CSMD1: variants seen among roughly 807,000 people sequenced by gnomAD.
CSMD1 encodes CUB and sushi domain-containing protein 1.
CSMD1 carries 213 observed loss-of-function variants against 417.5 expected under a neutral mutation model. The observed-to-expected ratio is 0.51, with a 90% confidence interval of 0.46 to 0.57. The LOEUF is 0.57. CSMD1 is among the 20% of genes least tolerant of loss of function. CSMD1 has a pLI of 0.00. For missense variants in CSMD1, 6,923 were observed against 4,529.7 expected (o/e 1.53, Z -15.17); for synonymous variants, 2,862 against 1,736.8 (o/e 1.65, Z -16.11).
intron 1 of CSMD1, among the ~76,000 whole-genome samples, chr8:4,747,276 G>A (rs897593293): frequency 2.0e-5 from 3 of 152,102 alleles, no homozygotes; most frequent in Non-Finnish European, 1.5e-5. Flanking sequence ...TTGAAAACAA[G>A]CCCTATTTTC....
At chr8:4,868,682 A>T (rs1393583227) in intron 1 of CSMD1, among the ~76,000 whole-genome samples, 1 of 152,048 alleles carries the variant, frequency 6.6e-6, no homozygotes, top group Non-Finnish European at 1.5e-5. Context: ...AACACAACTA[A>T]CAGTATGGTG....
chr8:4,969,782 T>C lies in CSMD1; in HGVS notation c.85+24550A>G, dbSNP rs778539017. Reference sequence around the variant, plus strand: ...TCCTGAGAAGACAATGAGGCTGCTATGTGGAACTTTAACACTACCTAATTT... The same window carrying C: ...TCCTGAGAAGACAATGAGGCTGCTACGTGGAACTTTAACACTACCTAATTT... On this transcript the variant is annotated intron_variant, in intron 1 of 69. Coordinates refer to ENST00000635120, the MANE Select transcript of CSMD1 (RefSeq NM_033225.6). Among the ~76,000 whole-genome samples the C allele has an allele frequency of 2.6e-5, 4 of 152,062 alleles. No individual in the cohort carries two copies. The South Asian group carries it at 6.2e-4, about 24-fold the overall frequency.
intron 21 of CSMD1, 30 bp downstream of exon 21, chr8:3,359,122 T>C (rs1029976661): frequency 3.7e-6 from 6 of 1,609,570 alleles, no homozygotes; most frequent in African/African-American, 2.7e-5. Flanking sequence ...CCCCCATGGA[T>C]GAATGAAATG....
At chr8:3,469,104 C>A in intron 11 of CSMD1, 1 of 275,058 alleles carries the variant, frequency 3.6e-6, no homozygotes. Context: ...TTCCTGGAAC[C>A]GAGAGGCTTC....
At chr8:4,067,649 A>G (rs1237000264) in intron 3 of CSMD1, among the ~76,000 whole-genome samples, 2 of 152,350 alleles carry the variant, frequency 1.3e-5, no homozygotes, top group East Asian at 1.9e-4. Flanking sequence ...TTTCATTCAA[A>G]AAGAATAAAA....
intron 4 of CSMD1, among the ~76,000 whole-genome samples, chr8:4,002,312 A>C (rs545309744): frequency 6.6e-6 from 1 of 152,230 alleles, no homozygotes; most frequent in South Asian, 2.1e-4. Context: ...CTCTAACAAA[A>C]CTTTTTAACT....
intron 3 of CSMD1, among the ~76,000 whole-genome samples, chr8:4,139,215 T>C (rs1270650134): frequency 2.6e-5 from 4 of 152,136 alleles, no homozygotes; most frequent in African/African-American, 9.7e-5. Context: ...AAAATAAGAG[T>C]GTCCTAGTGG....
At chr8:3,996,704 T>A (rs557381160) in intron 5 of CSMD1, among the ~76,000 whole-genome samples, 1 of 152,138 alleles carries the variant, frequency 6.6e-6, no homozygotes. Context: ...ATGAAAAAAA[T>A]TGAAAACAAA....
chr8:3,899,769 G>A (rs919986041), intron 5 of CSMD1, among the ~76,000 whole-genome samples: 17 of 152,144 alleles, frequency 1.1e-4, no homozygotes, highest in Admixed American at 8.5e-4. Context: ...AGCTTTCAGG[G>A]CACAGTTTTG....
chr8:3,611,909 C>A (rs1291938495), intron 8 of CSMD1, among the ~76,000 whole-genome samples: 1 of 151,860 alleles, frequency 6.6e-6, no homozygotes, highest in Non-Finnish European at 1.5e-5. Context: ...TTTTCAAAAC[C>A]CCATATCCAA....
intron 3 of CSMD1, among the ~76,000 whole-genome samples, chr8:4,277,868 C>G (rs1032837829): frequency 6.6e-6 from 1 of 152,144 alleles, no homozygotes; most frequent in Non-Finnish European, 1.5e-5. Context: ...CTGCCTCAGC[C>G]TCCCGAGTAG....
Position 3,392,501 on chromosome 8 carries a change from T to G in CSMD1, c.2593+3693A>C, listed in dbSNP as rs151312880. Reference sequence around the variant, plus strand: ...CACTTTTTCTCTGTCTCTGCTTTTCTCGCTGGACTCATTGGTTCCTTTAAC... The same window carrying G: ...CACTTTTTCTCTGTCTCTGCTTTTCGCGCTGGACTCATTGGTTCCTTTAAC... On this transcript the variant is annotated intron_variant, in intron 17 of 69. Transcript: ENST00000635120. Among the ~76,000 whole-genome samples, 317 of 152,198 alleles carry G rather than the reference T, an allele frequency of 2.1e-3. 1 individual carries two copies. The highest frequency in any genetic ancestry group is 6.7e-3 in the African/African-American group (280 of 41,544).
chr8:4,433,021 C>G (rs145178294), intron 2 of CSMD1, among the ~76,000 whole-genome samples: 1 of 152,078 alleles, frequency 6.6e-6, no homozygotes, highest in Non-Finnish European at 1.5e-5. Flanking sequence ...AGCGTCAACA[C>G]TGTCGTGAAC....
At chr8:3,877,033 G>A (rs934292701) in intron 5 of CSMD1, among the ~76,000 whole-genome samples, 4 of 152,142 alleles carry the variant, frequency 2.6e-5, no homozygotes, top group Non-Finnish European at 4.4e-5. Flanking sequence ...TTTTCATTTC[G>A]TATAGTGTTT....
chr8:4,386,528 A>C (rs147981031), intron 3 of CSMD1, among the ~76,000 whole-genome samples: 92 of 152,356 alleles, frequency 6.0e-4, no homozygotes, highest in African/African-American at 2.2e-3. Context: ...GTCTAACTCT[A>C]AAGAGGAACT....
At chr8:4,724,082 C>T (rs1809252948) in intron 1 of CSMD1, among the ~76,000 whole-genome samples, 1 of 152,114 alleles carries the variant, frequency 6.6e-6, no homozygotes, top group African/African-American at 2.4e-5. Context: ...AATCTATATG[C>T]ACTTAAGTGA....
rs368081101 is a variant in CSMD1 at position 4,420,010 on chromosome 8, G to C, written c.358C>G (p.Leu120Val). 1 of 1,588,292 alleles carries C rather than the reference G, an allele frequency of 6.3e-7. No individual in the cohort carries two copies. Among genetic ancestry groups the C allele is most frequent in the African/African-American group, 1.3e-5 (1 of 74,580 alleles). The change falls in exon 3 of 70, where the codon CTG becomes GTG. Residue 120 changes from leucine (L) to valine (V), a missense_variant. By Grantham distance (32) the Leu-to-Val change is conservative. Transcript: ENST00000635120. ...SIVSTGSILTLWFTTDFAVSA... is the reference protein window; with the variant it reads ...SIVSTGSILTVWFTTDFAVSA... ...ACAGCGAAGTCTGTCGTGAACCACA[G>C]AGTGAGGATAGATCCTGTACTCACT...
chr8:3,342,872 T>A (rs1408203831), intron 23 of CSMD1, among the ~76,000 whole-genome samples: 3 of 138,478 alleles, frequency 2.2e-5, no homozygotes, highest in Non-Finnish European at 3.1e-5. Flanking sequence ...TACATATATA[T>A]GATTAAATGT....
intron 33 of CSMD1, among the ~76,000 whole-genome samples, chr8:3,195,697 C>G (rs1796667975): frequency 6.6e-6 from 1 of 152,164 alleles, no homozygotes; most frequent in Non-Finnish European, 1.5e-5. Flanking sequence ...ACAGGAGTCT[C>G]CTCCACTGTG....
Sources: allele counts gnomAD v4.1 joint callset (sites outside exome capture counted in the v4.1 genomes callset), GRCh38; gene constraint gnomAD v4.1.1; transcripts MANE v1.5; gene names NCBI Gene and HGNC (gene_info 2026-07-23, HGNC 2026-07-21).